SLAIN2: variants seen among roughly 807,000 people sequenced by gnomAD.
SLAIN2 encodes the protein SLAIN family member 2.
Under a neutral mutation model 56.6 loss-of-function variants are expected in SLAIN2, and 31 were observed. The ratio of observed to expected loss-of-function variants is 0.55; its 90% CI spans 0.41 to 0.74. The LOEUF is 0.74. Among genes scored for constraint, SLAIN2 ranks in the 30% least tolerant of loss-of-function variants. SLAIN2 has a pLI of 0.00. For missense variants in SLAIN2, 777 were observed against 754.2 expected (o/e 1.03, Z -0.35); for synonymous variants, 317 against 284.9 (o/e 1.11, Z -1.13).
chr4:48,377,026 C>A (rs1176611830), intron 2 of SLAIN2, among the ~76,000 whole-genome samples: 1 of 143,222 alleles, frequency 7.0e-6, no homozygotes, highest in African/African-American at 2.6e-5. Flanking sequence ...GCGATTTAAA[C>A]AACTTATTTC....
intron 6 of SLAIN2, among the ~76,000 whole-genome samples, chr4:48,389,144 AGAAT>A (rs201461022): frequency 0.019 from 2,823 of 152,356 alleles, 43 homozygotes; most frequent in Non-Finnish European, 0.032. Flanking sequence ...TGCTAATCTA[AGAAT>A]GAATGAAACA....
At chr4:48,342,240 T>G in intron 1 of SLAIN2, 112 bp downstream of exon 1, 1 of 1,253,456 alleles carries the variant, frequency 8.0e-7, no homozygotes, top group Non-Finnish European at 1.0e-6. Context: ...GGGTCCGCTC[T>G]CCTGTGGCGA....
Position 48,422,170 on chromosome 4 carries a change from A to G in SLAIN2, c.*93A>G. The G allele has an allele frequency of 1.1e-6, 1 of 920,124 alleles. No individual in the cohort carries two copies. Among genetic ancestry groups the G allele is most frequent in the Non-Finnish European group, 1.7e-6 (1 of 590,018 alleles). 57.0% of individuals were successfully genotyped at this position (920,124 alleles called of 1,614,324 possible). ...TTTATATGCAGACTGTTCAGATAAG[A>G]CTCTTGGGATTTATAAAATCCCAGC... On this transcript the variant is annotated 3_prime_UTR_variant, in exon 8 of 8. Transcript: ENST00000264313.
chr4:48,362,301 TC>T (rs1458906414), intron 1 of SLAIN2, among the ~76,000 whole-genome samples: 1 of 152,214 alleles, frequency 6.6e-6, no homozygotes, highest in Non-Finnish European at 1.5e-5. Flanking sequence ...TGGCATTATT[TC>T]CTTAATATTT....
chr4:48,385,886 G>A (rs1160776511), intron 6 of SLAIN2, among the ~76,000 whole-genome samples: 1 of 151,588 alleles, frequency 6.6e-6, no homozygotes, highest in Non-Finnish European at 1.5e-5. Context: ...AAATCAACAG[G>A]CTAGCAGGAG....
At chr4:48,392,963 A>T (rs999217116) in intron 6 of SLAIN2, among the ~76,000 whole-genome samples, 2 of 151,534 alleles carry the variant, frequency 1.3e-5, no homozygotes, top group African/African-American at 4.9e-5. Flanking sequence ...ATGAATGAAA[A>T]AAACAGGAAC....
At chr4:48,365,847 G>C (rs1230307268) in intron 1 of SLAIN2, among the ~76,000 whole-genome samples, 1 of 152,198 alleles carries the variant, frequency 6.6e-6, no homozygotes, top group Non-Finnish European at 1.5e-5. Context: ...ACAGGCGTGA[G>C]CCACCGCACC....
Position 48,422,086 on chromosome 4 carries a change from G to A in SLAIN2, c.*9G>A. 1 of 1,606,494 alleles carries A rather than the reference G, an allele frequency of 6.2e-7. No individual in the cohort carries two copies. Among genetic ancestry groups the A allele is most frequent in the Non-Finnish European group, 8.5e-7 (1 of 1,176,116 alleles). ...AAGATGGCTGTTACTGACCAGCAAA[G>A]ACAAGAATGCAGAAGTCCACGGCTT... On this transcript the variant is annotated 3_prime_UTR_variant, in exon 8 of 8. Coordinates refer to ENST00000264313, the MANE Select transcript of SLAIN2 (RefSeq NM_020846.2).
chr4:48,402,394 C>A (rs1294043160), intron 6 of SLAIN2, among the ~76,000 whole-genome samples: 3 of 151,994 alleles, frequency 2.0e-5, no homozygotes, highest in African/African-American at 7.3e-5. Flanking sequence ...TTCTGTTCTC[C>A]CCATCTCTTT....
chr4:48,379,156 G>A (rs79892323), intron 3 of SLAIN2, among the ~76,000 whole-genome samples: 2 of 152,056 alleles, frequency 1.3e-5, no homozygotes, highest in East Asian at 3.8e-4. Flanking sequence ...GAATGATAAA[G>A]TACTTTAAAC....
chr4:48,387,321 G>T (rs529950305), intron 6 of SLAIN2: 1 of 152,236 alleles, frequency 6.6e-6, no homozygotes, highest in East Asian at 1.9e-4. Flanking sequence ...TTACCATTTT[G>T]TAATTATAAT....
chr4:48,378,042 A>T lies in SLAIN2; in HGVS notation c.685A>T (p.Ile229Leu), dbSNP rs370204772. Reference sequence around the variant, plus strand: ...GCGACCTCCTATAGTCAAACAGCTTATACTTCCTGGAAATTCAGGTAAGGA... The same window carrying T: ...GCGACCTCCTATAGTCAAACAGCTTTTACTTCCTGGAAATTCAGGTAAGGA... ...PVRPPIVKQL[I>L]LPGNSGNLKS... is the part of the protein sequence containing the mutation. Residue 229 changes from isoleucine to leucine, a missense_variant, in exon 3 of 8, where the codon ATA (isoleucine) becomes TTA (leucine). Ile to Leu is a conservative substitution (Grantham distance 5, BLOSUM62 2). Transcript: ENST00000264313. The T allele has an allele frequency of 4.4e-5, 71 of 1,612,818 alleles. 1 individual carries two copies. The highest frequency in any genetic ancestry group is 1.6e-4 in the Middle Eastern group (1 of 6,080).
intron 6 of SLAIN2, among the ~76,000 whole-genome samples, chr4:48,404,972 T>C (rs530847510): frequency 1.3e-5 from 2 of 152,334 alleles, no homozygotes; most frequent in East Asian, 3.9e-4. Context: ...ATACATAAAC[T>C]TTGTTAAAGT....
At chr4:48,351,622 G>A (rs1252979142) in intron 1 of SLAIN2, among the ~76,000 whole-genome samples, 11 of 152,236 alleles carry the variant, frequency 7.2e-5, no homozygotes, top group East Asian at 1.9e-4. Context: ...TGCAGCCTGC[G>A]AGTGAAAGAG....
intron 6 of SLAIN2, among the ~76,000 whole-genome samples, chr4:48,419,867 G>A (rs559388220): frequency 4.3e-4 from 66 of 152,206 alleles, no homozygotes; most frequent in African/African-American, 1.5e-3. Flanking sequence ...TTTCTCTTCT[G>A]GTATTATGGA....
At chr4:48,350,925 T>C (rs1469268184) in intron 1 of SLAIN2, among the ~76,000 whole-genome samples, 1 of 152,358 alleles carries the variant, frequency 6.6e-6, no homozygotes, top group South Asian at 2.1e-4. Context: ...GTATCAGATA[T>C]GAAATTCTTG....
chr4:48,407,496 T>A (rs779569478), intron 6 of SLAIN2, among the ~76,000 whole-genome samples: 5 of 152,198 alleles, frequency 3.3e-5, no homozygotes, highest in Admixed American at 6.5e-5. Flanking sequence ...TACTCCTTAT[T>A]TAAATTCTTT....
intron 1 of SLAIN2, among the ~76,000 whole-genome samples, chr4:48,363,917 C>T (rs1422649547): frequency 5.2e-5 from 6 of 114,722 alleles, no homozygotes; most frequent in East Asian, 2.6e-4. Flanking sequence ...GCTGGCCAGG[C>T]GGGGGGCTGA....
Position 48,420,439 on chromosome 4 carries a change from C to T in SLAIN2, c.1675C>T (p.Arg559Cys). The T allele has an allele frequency of 6.2e-7, 1 of 1,613,332 alleles. No individual in the cohort carries two copies. Among genetic ancestry groups the T allele is most frequent in the Non-Finnish European group, 8.5e-7 (1 of 1,179,420 alleles). ...TCGCAGCAAACTTGCACAGCCTGTTCGCAGGTAAGTGGCAGATGTTCTGTT... is the reference window on the plus strand; with the variant it reads ...TCGCAGCAAACTTGCACAGCCTGTTTGCAGGTAAGTGGCAGATGTTCTGTT... ...VPRSKLAQPV[R>C]RSLPAPKTYG... The change falls in exon 7 of 8, where the codon CGC (arginine) becomes TGC (cysteine). Residue 559 changes from arginine to cysteine, a missense_variant. By Grantham distance (180) the Arg-to-Cys change is radical. Transcript: ENST00000264313.
Sources: allele counts gnomAD v4.1 joint callset (sites outside exome capture counted in the v4.1 genomes callset), GRCh38; gene constraint gnomAD v4.1.1; transcripts MANE v1.5; gene names NCBI Gene and HGNC (gene_info 2026-07-23, HGNC 2026-07-21).